The following CNTNAP2 variants were observed in gnomAD, a reference collection of about 807,000 sequenced individuals.
CNTNAP2 encodes the protein contactin associated protein 2.
In CNTNAP2, 98 loss-of-function variants were observed where a neutral mutation model predicts 155.2. The ratio of observed to expected loss-of-function variants is 0.63; its 90% CI spans 0.54 to 0.75. The LOEUF (loss-of-function observed/expected upper bound fraction) is 0.75, where lower values mean the gene tolerates loss of function less well. Ranked by LOEUF, CNTNAP2 falls within the 30% of genes least tolerant of loss-of-function variation. The pLI is 0.00. For missense variants in CNTNAP2, 1,727 were observed against 1,688.1 expected (o/e 1.02, Z -0.40); for synonymous variants, 651 against 631.2 (o/e 1.03, Z -0.47).
intron 16 of CNTNAP2, among the ~76,000 whole-genome samples, chr7:148,137,669 AAAG>A (rs1282666911): frequency 9.3e-6 from 1 of 107,670 alleles, no homozygotes; most frequent in African/African-American, 3.6e-5. Context: ...CTCAGAAAAA[AAAG>A]GAAGGAAGGA....
intron 10 of CNTNAP2, among the ~76,000 whole-genome samples, chr7:147,436,689 G>C (rs918643914): frequency 9.9e-5 from 15 of 152,172 alleles, no homozygotes; most frequent in African/African-American, 3.4e-4. Context: ...TGGGATGGGA[G>C]AATCTGTGTA....
At chr7:146,175,476 G>A (rs543006788) in intron 1 of CNTNAP2, among the ~76,000 whole-genome samples, 10 of 152,264 alleles carry the variant, frequency 6.6e-5, no homozygotes, top group East Asian at 1.9e-4. Context: ...GAAATTGACC[G>A]TTAATGATCC....
At chr7:147,070,785 A>C (rs373424353) in intron 4 of CNTNAP2, among the ~76,000 whole-genome samples, 1 of 152,168 alleles carries the variant, frequency 6.6e-6, no homozygotes, top group African/African-American at 2.4e-5. Flanking sequence ...ATTTCTCTTG[A>C]ATATACTCAT....
chr7:147,404,363 G>T (rs1171125783), intron 10 of CNTNAP2, among the ~76,000 whole-genome samples: 1 of 152,158 alleles, frequency 6.6e-6, no homozygotes, highest in African/African-American at 2.4e-5. Context: ...AAAAGCTCTT[G>T]CGTCCTAAAA....
chr7:146,773,859 T>C (rs1045080419), intron 1 of CNTNAP2, among the ~76,000 whole-genome samples: 2 of 152,212 alleles, frequency 1.3e-5, no homozygotes, highest in African/African-American at 4.8e-5. Flanking sequence ...CTTGGTCTTT[T>C]GGCTTTGGTA....
intron 9 of CNTNAP2, among the ~76,000 whole-genome samples, chr7:147,321,725 T>C (rs1795355801): frequency 6.6e-6 from 1 of 152,192 alleles, no homozygotes; most frequent in African/African-American, 2.4e-5. Context: ...AAGACAGCAG[T>C]TGACAATATA....
chr7:146,891,842 G>A (rs1475209514), intron 3 of CNTNAP2, among the ~76,000 whole-genome samples: 1 of 152,050 alleles, frequency 6.6e-6, no homozygotes, highest in Non-Finnish European at 1.5e-5. Flanking sequence ...ACAAGAAATG[G>A]TATCCATTTT....
At chr7:148,309,219 A>G (rs1035064409) in intron 21 of CNTNAP2, among the ~76,000 whole-genome samples, 2 of 152,192 alleles carry the variant, frequency 1.3e-5, no homozygotes, top group African/African-American at 4.8e-5. Context: ...GTTTAAGTGC[A>G]TTGATTCTTT....
Position 146,811,464 on chromosome 7 carries a change from G to A in CNTNAP2, c.209-28247G>A, listed in dbSNP as rs185278897. 5.3e-5 allele frequency among the ~76,000 whole-genome samples: 8 copies of A among 151,962 alleles called. No homozygotes were observed. In the East Asian group the frequency reaches 5.8e-4, roughly 11 times the overall value. ...ATTTCTTATGATACTTTGTATTTCC[G>A]TGGTATCGGTTGTAATGTTTTCTTT... On this transcript the variant is annotated intron_variant, in intron 2 of 23. Coordinates refer to ENST00000361727, the MANE Select transcript of CNTNAP2 (RefSeq NM_014141.6).
chr7:147,079,607 G>A (rs1040860381), intron 4 of CNTNAP2, among the ~76,000 whole-genome samples: 11 of 147,396 alleles, frequency 7.5e-5, no homozygotes, highest in Admixed American at 3.4e-4. Context: ...TAATAATAAT[G>A]ATAATAATAA....
chr7:146,712,491 GT>G lies in CNTNAP2; in HGVS notation c.98-61769del, dbSNP rs531813459. Among the ~76,000 whole-genome samples the G allele has an allele frequency of 1.7e-3, 238 of 142,016 alleles. 1 individual carries two copies. The highest frequency in any genetic ancestry group is 0.011 in the East Asian group (53 of 4,830). The allele number at this position is 142,016 out of a possible 152,430, so 93.2% of individuals were successfully genotyped here. ...TGAACTGGACTTTGAAGAATAGAAA[GT>G]TTTTTTTTTTCCCTAAAGCAGTGAA... On this transcript the variant is annotated intron_variant, in intron 1 of 23. Coordinates refer to ENST00000361727, the MANE Select transcript of CNTNAP2 (RefSeq NM_014141.6).
At chr7:146,643,779 C>T (rs959433017) in intron 1 of CNTNAP2, among the ~76,000 whole-genome samples, 1 of 152,074 alleles carries the variant, frequency 6.6e-6, no homozygotes, top group African/African-American at 2.4e-5. Context: ...GATATTGATT[C>T]TTCCTACCCA....
intron 1 of CNTNAP2, among the ~76,000 whole-genome samples, chr7:146,439,273 A>T (rs954080800): frequency 4.0e-5 from 6 of 151,640 alleles, no homozygotes; most frequent in African/African-American, 1.5e-4. Flanking sequence ...GTTTTCTCTC[A>T]TATAGTATGC....
At chr7:148,080,330 G>C (rs1803569876) in intron 15 of CNTNAP2, among the ~76,000 whole-genome samples, 1 of 152,112 alleles carries the variant, frequency 6.6e-6, no homozygotes, top group African/African-American at 2.4e-5. Flanking sequence ...AAGCGGCCGG[G>C]CACGGTGGCT....
intron 1 of CNTNAP2, among the ~76,000 whole-genome samples, chr7:146,417,134 T>C (rs569146583): frequency 6.6e-6 from 1 of 152,290 alleles, no homozygotes; most frequent in Non-Finnish European, 1.5e-5. Flanking sequence ...CATAGTTAAC[T>C]ACCCTAAGGC....
intron 13 of CNTNAP2, among the ~76,000 whole-genome samples, chr7:147,709,034 C>T (rs1357274420): frequency 6.6e-6 from 1 of 152,098 alleles, no homozygotes; most frequent in Non-Finnish European, 1.5e-5. Context: ...CTGTTCAGAT[C>T]CTCGTTCAAA....
intron 20 of CNTNAP2, among the ~76,000 whole-genome samples, chr7:148,245,335 A>G (rs1796240353): frequency 6.6e-6 from 1 of 152,178 alleles, no homozygotes; most frequent in Non-Finnish European, 1.5e-5. Context: ...GTATGTGCCG[A>G]CAGAGTTGTG....
intron 21 of CNTNAP2, among the ~76,000 whole-genome samples, chr7:148,346,923 G>A (rs1452555859): frequency 6.6e-6 from 1 of 151,854 alleles, no homozygotes; most frequent in Non-Finnish European, 1.5e-5. Context: ...ACCCAATAGT[G>A]CTTCACTCAG....
At chr7:146,357,199 A>C (rs1257371086) in intron 1 of CNTNAP2, among the ~76,000 whole-genome samples, 1 of 150,080 alleles carries the variant, frequency 6.7e-6, no homozygotes, top group East Asian at 1.9e-4. Context: ...TAATTTCCCA[A>C]AGCGCTTGGC....
Sources: allele counts gnomAD v4.1 joint callset (sites outside exome capture counted in the v4.1 genomes callset), GRCh38; gene constraint gnomAD v4.1.1; transcripts MANE v1.5; gene names NCBI Gene and HGNC (gene_info 2026-07-23, HGNC 2026-07-21).